Variants in TRPC5 observed in about 807,000 individuals in gnomAD.
TRPC5 encodes short transient receptor potential channel 5.
Under a neutral mutation model 56.5 loss-of-function variants are expected in TRPC5, and 9 were observed. The observed-to-expected ratio is 0.16, with a 90% CI of 0.10 to 0.28. TRPC5 has a LOEUF of 0.28. TRPC5 is among the 10% of genes least tolerant of loss of function. The pLI is 1.00. For synonymous variants in TRPC5, 282 were observed against 278.5 expected, an observed-to-expected ratio of 1.01 and a Z score of -0.13; for missense variants, 469 against 748.9, an observed-to-expected ratio of 0.63 and a Z score of 4.36.
At chrX:111,798,839 A>G (rs1406152522) in intron 7 of TRPC5, among the ~76,000 whole-genome samples, 1 of 112,027 alleles carries the variant, frequency 8.9e-6, no homozygotes. Flanking sequence ...AAGTGAATTC[A>G]TTATATGACA....
intron 1 of TRPC5, among the ~76,000 whole-genome samples, chrX:112,071,666 CT>C (rs1930722833): frequency 8.9e-6 from 1 of 112,257 alleles, no homozygotes. Context: ...TCTATAGACA[CT>C]GAAATTTGAG....
At chrX:111,790,084 A>G in intron 7 of TRPC5, among the ~76,000 whole-genome samples, 1 of 112,261 alleles carries the variant, frequency 8.9e-6, no homozygotes, top group Non-Finnish European at 1.9e-5. Flanking sequence ...ATTATAAATC[A>G]TGCTGCTATA....
At chrX:111,795,028 AG>A (rs779646745) in intron 7 of TRPC5, among the ~76,000 whole-genome samples, 64 of 111,783 alleles carry the variant, frequency 5.7e-4, no homozygotes, top group Non-Finnish European at 9.4e-4. Context: ...TTTTAGTTCT[AG>A]GAAGTTTTTT....
At chrX:111,784,983 G>A (rs1190476018) in intron 7 of TRPC5, among the ~76,000 whole-genome samples, 1 of 112,484 alleles carries the variant, frequency 8.9e-6, no homozygotes. Flanking sequence ...ACCTCTGTGG[G>A]CAGGGCATAA....
intron 3 of TRPC5, among the ~76,000 whole-genome samples, chrX:111,876,728 C>T (rs958790974): frequency 8.9e-6 from 1 of 111,754 alleles, no homozygotes; most frequent in African/African-American, 3.3e-5. Flanking sequence ...GCAATATTTA[C>T]TTTCCTTAAC....
chrX:111,883,621 A>T (rs978369922), intron 3 of TRPC5, among the ~76,000 whole-genome samples: 5 of 112,283 alleles, frequency 4.5e-5, no homozygotes, highest in Non-Finnish European at 9.4e-5. Flanking sequence ...ATAGCCAAGG[A>T]CTAAGCCTAG....
intron 7 of TRPC5, among the ~76,000 whole-genome samples, chrX:111,794,930 T>A (rs1439029678): frequency 9.0e-6 from 1 of 111,707 alleles, no homozygotes; most frequent in Non-Finnish European, 1.9e-5. Flanking sequence ...AGAACTATAT[T>A]TTAAAATTTC....
chrX:111,821,836 T>A (rs2148570664), intron 7 of TRPC5, among the ~76,000 whole-genome samples: 1 of 111,516 alleles, frequency 9.0e-6, no homozygotes, highest in Admixed American at 9.5e-5. Flanking sequence ...GGAGAGAACA[T>A]TCAGAGACCA....
intron 3 of TRPC5, among the ~76,000 whole-genome samples, chrX:111,867,588 C>T (rs1923584744): frequency 8.9e-6 from 1 of 111,813 alleles, no homozygotes; most frequent in African/African-American, 3.3e-5. Flanking sequence ...AGTGACTCAG[C>T]CTTCTTAGTA....
chrX:111,970,809 G>C (rs56699352), intron 1 of TRPC5, among the ~76,000 whole-genome samples: 8,751 of 98,779 alleles, frequency 0.089, 868 homozygotes, highest in African/African-American at 0.26. Context: ...TTGCTCTGTC[G>C]CCCAGGCTGG....
chrX:112,066,448 G>A (rs1347160473), intron 1 of TRPC5, among the ~76,000 whole-genome samples: 1 of 111,735 alleles, frequency 8.9e-6, no homozygotes, highest in African/African-American at 3.3e-5. Context: ...AGACTGGTAG[G>A]GGATACCCAC....
chrX:111,943,173 T>G (rs1926826393), intron 2 of TRPC5, among the ~76,000 whole-genome samples: 1 of 112,105 alleles, frequency 8.9e-6, no homozygotes, highest in Non-Finnish European at 1.9e-5. Context: ...GAGATTAAAT[T>G]ATTTGTTCAA....
intron 1 of TRPC5, among the ~76,000 whole-genome samples, chrX:112,045,332 G>A (rs1325957176): frequency 9.0e-6 from 1 of 111,654 alleles, no homozygotes; most frequent in Non-Finnish European, 1.9e-5. Context: ...ACAAGTCAAA[G>A]GAATGCTGAC....
At chrX:112,067,652 C>A (rs1424811387) in intron 1 of TRPC5, among the ~76,000 whole-genome samples, 1 of 111,874 alleles carries the variant, frequency 8.9e-6, no homozygotes, top group Non-Finnish European at 1.9e-5. Flanking sequence ...AACTGCCCAC[C>A]TCCACTGCTC....
rs1945863229 is a variant in TRPC5 at position 111,774,500 on chromosome X, C to T, written c.*1813G>A. ...AGAAATTGATTTGAGTAAATAACCA[C>T]TTCAGATATGATCAAGGAATTATTT... On this transcript the variant is annotated 3_prime_UTR_variant, in exon 11 of 11. Transcript: ENST00000262839. The T allele has an allele frequency of 9.0e-6, 1 of 111,610 alleles. No individual in the cohort carries two copies. The highest frequency in any genetic ancestry group is 1.9e-5 in the Non-Finnish European group (1 of 53,119). The allele number at this position is 111,610 out of a possible 1,213,427, so 9.2% of individuals were successfully genotyped here. A position where few individuals can be genotyped will look rare whatever the true frequency, so the allele number is the denominator to read the frequency against.
chrX:111,842,114 TATATTTTATATATATATGTA>T (rs201576193), intron 6 of TRPC5, among the ~76,000 whole-genome samples: 5,633 of 95,407 alleles, frequency 0.059, 649 homozygotes, highest in African/African-American at 0.24. Context: ...TGTATATATA[TATATTTTATATATATATGTA>T]TATATATATA....
At chrX:111,930,218 C>T (rs757348471) in intron 2 of TRPC5, among the ~76,000 whole-genome samples, 1 of 111,038 alleles carries the variant, frequency 9.0e-6, no homozygotes, top group African/African-American at 3.3e-5. Context: ...AAGGCTGAGG[C>T]GGGTGGATCA....
At chrX:111,900,599 T>G (rs1925292584) in intron 3 of TRPC5, among the ~76,000 whole-genome samples, 1 of 111,574 alleles carries the variant, frequency 9.0e-6, no homozygotes, top group African/African-American at 3.3e-5. Context: ...AAAACTAATG[T>G]AGACCCTGAA....
At chrX:112,075,008 C>G (rs942632036) in intron 1 of TRPC5, among the ~76,000 whole-genome samples, 1 of 112,325 alleles carries the variant, frequency 8.9e-6, no homozygotes, top group Non-Finnish European at 1.9e-5. Flanking sequence ...TCTTTACCTA[C>G]CCATCACTAC....
Sources: gnomAD v4.1 joint callset for allele counts (sites outside exome capture counted in the v4.1 genomes callset) on GRCh38, gnomAD v4.1.1 for gene constraint, MANE v1.5 for transcripts, NCBI Gene and HGNC (gene_info 2026-07-23, HGNC 2026-07-21) for gene names.